The following INPP5A variants were observed in gnomAD, a reference collection of about 807,000 sequenced individuals.
The protein encoded by INPP5A is inositol polyphosphate-5-phosphatase A.
In INPP5A, 14 loss-of-function variants were observed where a neutral mutation model predicts 65.2. That is an observed-to-expected ratio of 0.21 (90% confidence interval 0.14 to 0.34). INPP5A has a LOEUF of 0.34. Ranked by LOEUF, INPP5A falls within the 10% of genes least tolerant of loss-of-function variation. INPP5A has a pLI of 1.00. For missense variants in INPP5A, 431 were observed against 545.6 expected, an observed-to-expected ratio of 0.79 and a Z score of 2.09; for synonymous variants, 207 against 208.3, an observed-to-expected ratio of 0.99 and a Z score of 0.05.
intron 3 of INPP5A, among the ~76,000 whole-genome samples, chr10:132,649,056 C>T (rs114151069): frequency 0.01 from 1,526 of 152,324 alleles, 23 homozygotes; most frequent in African/African-American, 0.035. Context: ...TAAAGCTCTT[C>T]TGATTGTTTT....
chr10:132,698,777 G>T lies in INPP5A; in HGVS notation c.474+858G>T, dbSNP rs573117025. 9.2e-5 allele frequency among the ~76,000 whole-genome samples: 14 copies of T among 152,218 alleles called. No individual in the cohort carries two copies. The highest frequency in any genetic ancestry group is 1.9e-4 in the Non-Finnish European group (13 of 68,034). On this transcript the variant is annotated intron_variant, in intron 6 of 15. Coordinates refer to ENST00000368594, the MANE Select transcript of INPP5A (RefSeq NM_005539.5). This position sits in a 1 kb window ranked among gnomAD's most constrained non-coding sequence, Gnocchi z 5.5. ...GGAGCTCTCGTCCGGACTTGTCTGC[G>T]CAGGCAGCCCCAAGAAGGATTGCTC...
intron 1 of INPP5A, among the ~76,000 whole-genome samples, chr10:132,543,011 G>A (rs752561982): frequency 6.6e-6 from 1 of 151,608 alleles, no homozygotes; most frequent in Non-Finnish European, 1.5e-5. Context: ...GTCTTGCTGT[G>A]TTGCCCAGAC....
intron 1 of INPP5A, among the ~76,000 whole-genome samples, chr10:132,594,501 T>C (rs1179678936): frequency 6.6e-6 from 1 of 151,828 alleles, no homozygotes; most frequent in African/African-American, 2.4e-5. Context: ...ATGTGGTGAG[T>C]GTGTGGGGTG....
At chr10:132,564,645 A>G (rs1017344761) in intron 1 of INPP5A, among the ~76,000 whole-genome samples, 1 of 152,234 alleles carries the variant, frequency 6.6e-6, no homozygotes, top group Non-Finnish European at 1.5e-5. Context: ...AAAATTTACT[A>G]TTAAAAATAA....
chr10:132,634,788 G>C (rs532888976), intron 2 of INPP5A, among the ~76,000 whole-genome samples: 1 of 152,248 alleles, frequency 6.6e-6, no homozygotes, highest in Non-Finnish European at 1.5e-5. Context: ...CCGCCACTGC[G>C]GCTCACGGTG....
chr10:132,662,073 AC>A, intron 4 of INPP5A, among the ~76,000 whole-genome samples: 1 of 152,246 alleles, frequency 6.6e-6, no homozygotes, highest in East Asian at 1.9e-4. Flanking sequence ...ACAAGATCAC[AC>A]AGGACTTCTT....
intron 8 of INPP5A, among the ~76,000 whole-genome samples, chr10:132,711,412 A>G (rs921060252): frequency 6.6e-6 from 1 of 152,018 alleles, no homozygotes; most frequent in East Asian, 1.9e-4. Context: ...TGTCATGGAA[A>G]CCTTTCCCGC....
rs558148488 is a variant in INPP5A, at chr10:132,744,133, T to G, written c.733-5384T>G. Among the ~76,000 whole-genome samples, 6 of 152,356 alleles carry G rather than the reference T, an allele frequency of 3.9e-5. No individual in the cohort carries two copies. The East Asian group carries it at 9.6e-4, about 24-fold the overall frequency. ...GGGAAACAGGTGCACCCACAGAGCT[T>G]CTGTGCCTGCTGAGGGGCTGGGAGT... On this transcript the variant is annotated intron_variant, in intron 9 of 15. Transcript: ENST00000368594.
intron 1 of INPP5A, among the ~76,000 whole-genome samples, chr10:132,598,856 G>A (rs1330783878): frequency 6.6e-6 from 1 of 152,202 alleles, no homozygotes; most frequent in Non-Finnish European, 1.5e-5. Context: ...AATGGCTGCA[G>A]CAAGAGAAAA....
At chr10:132,723,885 G>A (rs960894512) in intron 8 of INPP5A, among the ~76,000 whole-genome samples, 2 of 152,188 alleles carry the variant, frequency 1.3e-5, no homozygotes, top group Admixed American at 6.5e-5. Flanking sequence ...CTGTGCTCAC[G>A]GGACACAGCA....
intron 9 of INPP5A, among the ~76,000 whole-genome samples, chr10:132,748,861 C>T (rs1334169431): frequency 6.6e-6 from 1 of 152,242 alleles, no homozygotes; most frequent in Non-Finnish European, 1.5e-5. Flanking sequence ...CAGCCCCTCT[C>T]CTTGGTCCTC....
At chr10:132,725,056 G>A (rs142517053) in intron 8 of INPP5A, among the ~76,000 whole-genome samples, 9 of 150,480 alleles carry the variant, frequency 6.0e-5, no homozygotes, top group East Asian at 2.0e-4. Flanking sequence ...CATATTCACC[G>A]CAGATGGGGG....
intron 1 of INPP5A, among the ~76,000 whole-genome samples, chr10:132,599,436 G>T (rs930438802): frequency 1.3e-5 from 2 of 152,256 alleles, no homozygotes; most frequent in Non-Finnish European, 2.9e-5. Flanking sequence ...GTTGCAAGAG[G>T]TGTGCTCCCA....
intron 5 of INPP5A, among the ~76,000 whole-genome samples, chr10:132,690,679 T>C (rs535164154): frequency 1.8e-4 from 28 of 152,304 alleles, no homozygotes; most frequent in Admixed American, 1.6e-3. Flanking sequence ...GGACCTGGCT[T>C]TCCTAGAGTT....
At chr10:132,596,135 G>T (rs886396562) in intron 1 of INPP5A, among the ~76,000 whole-genome samples, 1 of 152,222 alleles carries the variant, frequency 6.6e-6, no homozygotes, top group Admixed American at 6.5e-5. Flanking sequence ...ACCAAACGTG[G>T]CTGTACCTCC....
At chr10:132,779,904 C>T (rs1359925133) in intron 13 of INPP5A, among the ~76,000 whole-genome samples, 1 of 152,178 alleles carries the variant, frequency 6.6e-6, no homozygotes, top group Non-Finnish European at 1.5e-5. Flanking sequence ...CGCACGCTGC[C>T]TGTGCCCGCC....
intron 5 of INPP5A, among the ~76,000 whole-genome samples, chr10:132,692,153 G>C (rs1300064726): frequency 2.0e-5 from 3 of 152,172 alleles, no homozygotes; most frequent in Non-Finnish European, 4.4e-5. Flanking sequence ...ATCAGAAACA[G>C]TACCAGAAAT....
rs1476399589 is a variant in INPP5A at position 132,575,033 on chromosome 10, C to T, written c.76-32882C>T. Among the ~76,000 whole-genome samples, 2 of 152,156 alleles carry T rather than the reference C, an allele frequency of 1.3e-5. No individual in the cohort carries two copies. Among genetic ancestry groups the T allele is most frequent in the Non-Finnish European group, 2.9e-5 (2 of 68,024 alleles). ...AAAGCACACCTCAGCATATGGTCTG[C>T]GGAGTCCTCCCGGGGGCTCCGGATT... On this transcript the variant is annotated intron_variant, in intron 1 of 15. Transcript: ENST00000368594. This position sits in a 1 kb window ranked among gnomAD's most constrained non-coding sequence, Gnocchi z 5.4.
At chr10:132,661,296 A>G (rs192418309) in intron 4 of INPP5A, among the ~76,000 whole-genome samples, 4 of 152,358 alleles carry the variant, frequency 2.6e-5, no homozygotes, top group Admixed American at 2.6e-4. Context: ...GCTTTCATGA[A>G]TAGTCAGAAG....
Sources: allele counts gnomAD v4.1 joint callset (sites outside exome capture counted in the v4.1 genomes callset), GRCh38; gene constraint gnomAD v4.1.1; non-coding constraint Gnocchi (gnomAD v3.1); transcripts MANE v1.5; gene names NCBI Gene and HGNC (gene_info 2026-07-23, HGNC 2026-07-21).